The following FRMPD1 variants were observed in gnomAD, a reference collection of about 807,000 sequenced individuals.
The protein encoded by FRMPD1 is FERM and PDZ domain containing 1.
FRMPD1 carries 76 observed loss-of-function variants against 117.8 expected under a neutral mutation model. The ratio of observed to expected loss-of-function variants is 0.65; its 90% CI spans 0.54 to 0.78. FRMPD1 has a LOEUF of 0.78. Ranked by LOEUF, FRMPD1 falls within the 30% of genes least tolerant of loss-of-function variation. FRMPD1 has a pLI of 0.00. For synonymous variants in FRMPD1, 783 were observed against 770.4 expected, an observed-to-expected ratio of 1.02 and a Z score of -0.27; for missense variants, 1,786 against 1,964.5, an observed-to-expected ratio of 0.91 and a Z score of 1.72.
chr9:37,738,163 A>G (rs1824220701), intron 14 of FRMPD1, among the ~76,000 whole-genome samples: 1 of 152,232 alleles, frequency 6.6e-6, no homozygotes, highest in African/African-American at 2.4e-5. Context: ...ATTTCAGGCT[A>G]CCACGATATG....
chr9:37,697,252 G>A (rs562205040), intron 2 of FRMPD1, among the ~76,000 whole-genome samples: 6 of 152,102 alleles, frequency 3.9e-5, no homozygotes, highest in African/African-American at 1.2e-4. Flanking sequence ...GTTACCACTC[G>A]ATTTCATATT....
At position 37,730,985 on chromosome 9, in the gene FRMPD1, T is replaced by C. The variant is rs767788990; in HGVS notation, c.740T>C (p.Val247Ala). 2.5e-6 allele frequency: 4 copies of C among 1,613,700 alleles called. No individual in the cohort carries two copies. The Admixed American group carries it at 6.7e-5, about 27-fold the overall frequency. ...TAGTATCTCCCTTACCCATCGCAGG[T>C]GGTAGAAAGGGAGGAGTCACATGAC... ...LLHEEELIQQ[V>A]VEREESHDYR... The change falls in exon 9 of 16, where the codon GTG (valine) becomes GCG (alanine). Residue 247 changes from valine to alanine, a missense_variant and splice_region_variant. Val to Ala is a moderately conservative substitution (Grantham distance 64). Coordinates refer to ENST00000377765, the MANE Select transcript of FRMPD1 (RefSeq NM_014907.3).
At chr9:37,632,826 TA>T in the FRMPD1 span, among the ~76,000 whole-genome samples, 1 of 151,524 alleles carries the variant, frequency 6.6e-6, no homozygotes, top group East Asian at 1.9e-4. Flanking sequence ...TAGTATTGAA[TA>T]AGAAAGGGAT....
chr9:37,714,803 C>T (rs562792566), intron 5 of FRMPD1, among the ~76,000 whole-genome samples: 15 of 152,018 alleles, frequency 9.9e-5, no homozygotes, highest in East Asian at 3.9e-4. Context: ...TGCACCACCA[C>T]GCCTGGCTAA....
chr9:37,638,911 C>T, the FRMPD1 span, among the ~76,000 whole-genome samples: 2 of 152,188 alleles, frequency 1.3e-5, no homozygotes, highest in African/African-American at 4.8e-5. Flanking sequence ...GCTATGAAAT[C>T]CCTGAGAGCA....
the FRMPD1 span, among the ~76,000 whole-genome samples, chr9:37,613,334 C>T: frequency 6.6e-6 from 1 of 152,124 alleles, no homozygotes; most frequent in East Asian, 1.9e-4. Flanking sequence ...GATTTTTGTA[C>T]CTTACAGGTG....
In FRMPD1 at chr9:37,692,661, GT is replaced by G. The variant is rs772467414; in HGVS notation, c.23del (p.Leu8TyrfsTer10). MEELET[S>X]LFQTRKAHRI... is the part of the protein sequence containing the mutation. ...AGGTAAATGGAAGAGCTGGAGACCA[GT>G]TTATTCCAGACACGGAAAGCACATA... On this transcript the variant is annotated frameshift_variant, in exon 2 of 16. Coordinates refer to ENST00000377765, the MANE Select transcript of FRMPD1 (RefSeq NM_014907.3). LOFTEE classifies it high-confidence loss of function. 5.0e-6 allele frequency: 8 copies of G among 1,612,718 alleles called. No homozygotes were observed. The East Asian group carries it at 1.8e-4, about 36-fold the overall frequency.
chr9:37,619,770 A>C, the FRMPD1 span, among the ~76,000 whole-genome samples: 1 of 151,970 alleles, frequency 6.6e-6, no homozygotes, highest in African/African-American at 2.4e-5. Context: ...AAAAAAAAAA[A>C]AAAGAAATTG....
chr9:37,620,073 C>T, the FRMPD1 span, among the ~76,000 whole-genome samples: 4 of 152,108 alleles, frequency 2.6e-5, no homozygotes, highest in Non-Finnish European at 2.9e-5. Context: ...TCACCGTGAT[C>T]GCTAAAAGTT....
rs1220788635 is a variant in FRMPD1 at position 37,737,091 on chromosome 9, C to T, written c.1402-5C>T. 1.2e-6 allele frequency: 2 copies of T among 1,609,882 alleles called. No individual in the cohort carries two copies. The highest frequency in any genetic ancestry group is 1.7e-6 in the Non-Finnish European group (2 of 1,176,468). ...TAAACATGAGATTTCTATTTGCTTT[C>T]AAAGGTTCTGACTTTGCTGCTGGAA... On this transcript the variant is annotated splice_polypyrimidine_tract_variant and splice_region_variant and intron_variant, in intron 13 of 15. Transcript: ENST00000377765.
chr9:37,632,715 A>G, the FRMPD1 span, among the ~76,000 whole-genome samples: 1 of 152,108 alleles, frequency 6.6e-6, no homozygotes, highest in East Asian at 1.9e-4. Flanking sequence ...TGAACCAATC[A>G]TTACAGCCAG....
the FRMPD1 span, among the ~76,000 whole-genome samples, chr9:37,635,541 T>G: frequency 6.6e-6 from 1 of 152,200 alleles, no homozygotes; most frequent in Admixed American, 6.5e-5. Context: ...CCTTGCAAAA[T>G]GCCTGACATG....
At chr9:37,611,129 G>T in the FRMPD1 span, among the ~76,000 whole-genome samples, 1 of 152,274 alleles carries the variant, frequency 6.6e-6, no homozygotes, top group South Asian at 2.1e-4. Flanking sequence ...ATGTGCATTT[G>T]TAATTGTTTT....
intron 1 of FRMPD1, among the ~76,000 whole-genome samples, chr9:37,680,971 A>G (rs1489160950): frequency 6.6e-5 from 10 of 152,180 alleles, no homozygotes; most frequent in Admixed American, 6.5e-4. Flanking sequence ...GCACTTTGGG[A>G]AGCCAAGGCA....
the FRMPD1 span, among the ~76,000 whole-genome samples, chr9:37,643,609 T>C: frequency 1.3e-5 from 2 of 152,186 alleles, no homozygotes; most frequent in Non-Finnish European, 2.9e-5. Context: ...AGTTAGTTTT[T>C]CTTCTATTAA....
intron 1 of FRMPD1, among the ~76,000 whole-genome samples, chr9:37,656,634 A>T (rs1820851147): frequency 1.3e-5 from 2 of 152,320 alleles, no homozygotes; most frequent in Admixed American, 1.3e-4. Flanking sequence ...CAGTACTAAC[A>T]GTGGATTAAA....
At chr9:37,663,792 C>T (rs1373920279) in intron 1 of FRMPD1, among the ~76,000 whole-genome samples, 2 of 152,190 alleles carry the variant, frequency 1.3e-5, no homozygotes, top group Non-Finnish European at 2.9e-5. Flanking sequence ...ATAACCTATG[C>T]ATATCCTCTT....
chr9:37,740,288 C>T lies in FRMPD1; in HGVS notation c.1760C>T (p.Ser587Phe). 6.2e-7 allele frequency: 1 copy of T among 1,613,816 alleles called. No individual in the cohort carries two copies. The change falls in exon 15 of 16, where the codon TCC (serine) becomes TTC (phenylalanine). Residue 587 changes from serine (S) to phenylalanine (F), a missense_variant. Coordinates refer to ENST00000377765, the MANE Select transcript of FRMPD1 (RefSeq NM_014907.3). The surrounding 1 kb of genome is among the most constrained non-coding windows in gnomAD (Gnocchi z 4.2). The part of the protein sequence containing the change: ...GASSTTDSAE[S>F]EASDSANTES... ...AGCAGCACGACAGACAGTGCCGAGTCCGAGGCGTCCGACTCAGCCAACACT... is the reference window on the plus strand; with the variant it reads ...AGCAGCACGACAGACAGTGCCGAGTTCGAGGCGTCCGACTCAGCCAACACT...
rs189970668 is a variant in FRMPD1 at position 37,694,884 on chromosome 9, G to A, written c.101+2142G>A. Among the ~76,000 whole-genome samples, 72 of 152,216 alleles carry A rather than the reference G, an allele frequency of 4.7e-4. No individual in the cohort carries two copies. The East Asian group carries it at 6.6e-3, about 14-fold the overall frequency. On this transcript the variant is annotated intron_variant, in intron 2 of 15. Coordinates refer to ENST00000377765, the MANE Select transcript of FRMPD1 (RefSeq NM_014907.3). ...ACATGGATCAGTATGACATGTCATA[G>A]TGTGGATTGGTATTTCATTCTTTTT...
Sources: gnomAD v4.1 joint callset for allele counts (sites outside exome capture counted in the v4.1 genomes callset) on GRCh38, gnomAD v4.1.1 for gene constraint, Gnocchi (gnomAD v3.1) non-coding constraint, MANE v1.5 for transcripts, NCBI Gene and HGNC (gene_info 2026-07-23, HGNC 2026-07-21) for gene names.